The following FOCAD variants were observed in gnomAD, a reference collection of about 807,000 sequenced individuals.
FOCAD encodes the protein focadhesin.
FOCAD carries 198 observed loss-of-function variants against 225.6 expected under a neutral mutation model. The ratio of observed to expected loss-of-function variants is 0.88; its 90% CI spans 0.78 to 0.99. FOCAD has a LOEUF of 0.99. Among genes scored for constraint, FOCAD ranks in the 50% least tolerant of loss-of-function variants. The pLI is 0.00. For synonymous variants in FOCAD, 897 were observed against 755.0 expected, an observed-to-expected ratio of 1.19 and a Z score of -3.08; for missense variants, 2,713 against 2,123.6, an observed-to-expected ratio of 1.28 and a Z score of -5.46.
intron 11 of FOCAD, among the ~76,000 whole-genome samples, chr9:20,816,812 G>C (rs537121908): frequency 1.3e-5 from 2 of 151,868 alleles, no homozygotes; most frequent in Non-Finnish European, 2.9e-5. Context: ...TAAGAATTTA[G>C]CAATAAAGAT....
In FOCAD at chr9:20,781,753, G is replaced by T. The variant is rs1185375573; in HGVS notation, c.1021G>T (p.Asp341Tyr). 3 of 1,613,698 alleles carry T rather than the reference G, an allele frequency of 1.9e-6. No homozygotes were observed. The highest frequency in any genetic ancestry group is 2.5e-6 in the Non-Finnish European group (3 of 1,179,960). The change falls in exon 10 of 44, where the codon GAT becomes TAT. Residue 341 changes from aspartate (D) to tyrosine (Y), a missense_variant. Transcript: ENST00000338382. Reference sequence around the variant, plus strand: ...TTTGAAGCTCCTCTCTGTTACTGAGGATCAGAAAATCCCAAAGTCCTCTCT... The same window carrying T: ...TTTGAAGCTCCTCTCTGTTACTGAGTATCAGAAAATCCCAAAGTCCTCTCT... ...LALKLLSVTE[D>Y]QKIPKSSLLL...
At chr9:20,762,864 C>T (rs2183931) in intron 6 of FOCAD, among the ~76,000 whole-genome samples, 99,696 of 151,962 alleles carry the variant, frequency 0.66, 32,953 homozygotes, top group African/African-American at 0.73. Context: ...GTTGTTCCCA[C>T]CTTCATGTCT....
chr9:20,672,461 T>G (rs771986760), intron 2 of FOCAD, among the ~76,000 whole-genome samples: 16 of 152,184 alleles, frequency 1.1e-4, no homozygotes, highest in Non-Finnish European at 1.6e-4. Flanking sequence ...ATTATTATTA[T>G]TATTTTTGAG....
At chr9:20,848,200 A>G (rs570000295) in intron 15 of FOCAD, among the ~76,000 whole-genome samples, 1 of 152,200 alleles carries the variant, frequency 6.6e-6, no homozygotes, top group South Asian at 2.1e-4. Context: ...TCAAGAAAGT[A>G]TGGGCGGCCA....
chr9:20,778,266 A>C (rs979084916), intron 8 of FOCAD, among the ~76,000 whole-genome samples: 3 of 151,324 alleles, frequency 2.0e-5, no homozygotes, highest in African/African-American at 7.3e-5. Flanking sequence ...TTTTTTTGAG[A>C]TGGAATCTCG....
intron 35 of FOCAD, among the ~76,000 whole-genome samples, chr9:20,953,695 G>C (rs1049143737): frequency 5.3e-5 from 8 of 152,156 alleles, no homozygotes; most frequent in Non-Finnish European, 7.4e-5. Flanking sequence ...AGTTTTCAGG[G>C]CTGTGAGGAA....
rs188462857 is a variant in FOCAD at position 20,882,206 on chromosome 9, A to T, written c.2503+150A>T. The T allele has an allele frequency of 3.0e-4, 205 of 676,592 alleles. 4 individuals are homozygous for T. In the South Asian group the frequency reaches 4.0e-3, roughly 13 times the overall value. 41.9% of individuals were successfully genotyped at this position (676,592 alleles called of 1,614,324 possible). On this transcript the variant is annotated intron_variant, in intron 20 of 43. Coordinates refer to ENST00000338382, the MANE Select transcript of FOCAD (RefSeq NM_001375567.1). ...TAAAAATCATCGCACTTTAAAAGACATCGCAGAACTGTAGAAGCAAAGACA... is the reference window on the plus strand; with the variant it reads ...TAAAAATCATCGCACTTTAAAAGACTTCGCAGAACTGTAGAAGCAAAGACA...
chr9:20,878,497 A>G (rs1429785623), intron 19 of FOCAD, among the ~76,000 whole-genome samples: 1 of 152,234 alleles, frequency 6.6e-6, no homozygotes, highest in Non-Finnish European at 1.5e-5. Context: ...TTCACCATTA[A>G]GTAGCCTTGT....
intron 10 of FOCAD, among the ~76,000 whole-genome samples, chr9:20,786,766 A>T (rs1352598295): frequency 6.6e-6 from 1 of 152,220 alleles, no homozygotes; most frequent in Non-Finnish European, 1.5e-5. Flanking sequence ...TTTTTAAAAT[A>T]AAGATTCTCA....
chr9:20,957,011 T>C (rs1487566286), intron 35 of FOCAD, among the ~76,000 whole-genome samples: 1 of 152,138 alleles, frequency 6.6e-6, no homozygotes, highest in African/African-American at 2.4e-5. Flanking sequence ...TTGAACTTAA[T>C]ATTATATTAT....
intron 19 of FOCAD, among the ~76,000 whole-genome samples, chr9:20,879,771 C>T (rs776102333): frequency 2.0e-5 from 3 of 152,176 alleles, no homozygotes; most frequent in Non-Finnish European, 4.4e-5. Flanking sequence ...CTACACTTAG[C>T]CTCCTGGCAT....
At position 20,764,968 on chromosome 9, in the gene FOCAD, G is replaced by A. The variant is rs1457682002; in HGVS notation, c.594G>A (p.Leu198=). The A allele has an allele frequency of 1.2e-6, 2 of 1,614,060 alleles. No individual in the cohort carries two copies. The highest frequency in any genetic ancestry group is 1.7e-6 in the Non-Finnish European group (2 of 1,179,978). The change falls in exon 7 of 44, where the codon CTG becomes CTA. Residue 198 remains leucine (L), a synonymous_variant. Transcript: ENST00000338382. ...LQEYAKLRLA[L]LKVLLQPQVL... ...AATATGCTAAACTCCGACTAGCCCT[G>A]CTGAAAGTCTTACTTCAACCCCAGG... is the stretch of plus-strand genomic sequence containing the variant.
chr9:20,878,669 A>T lies in FOCAD; in HGVS notation c.2318-3202A>T, dbSNP rs146261350. 3.9e-3 allele frequency among the ~76,000 whole-genome samples: 601 copies of T among 152,316 alleles called. 5 individuals are homozygous for T. Among genetic ancestry groups the T allele is most frequent in the African/African-American group, 0.014 (578 of 41,572 alleles). On this transcript the variant is annotated intron_variant, in intron 19 of 43. Transcript: ENST00000338382. ...GAAAGACAGAATCAATAGGACATGT[A>T]TATAGATATATGAGGGGACCGATTA...
chr9:20,782,227 A>G (rs1251729329), intron 10 of FOCAD, among the ~76,000 whole-genome samples: 1 of 152,210 alleles, frequency 6.6e-6, no homozygotes, highest in East Asian at 1.9e-4. Context: ...TCTCAAATAT[A>G]TTTGAACATG....
chr9:20,899,920 T>A (rs1047815522), intron 21 of FOCAD, among the ~76,000 whole-genome samples: 1 of 151,896 alleles, frequency 6.6e-6, no homozygotes, highest in African/African-American at 2.4e-5. Flanking sequence ...TTGTTTGGAC[T>A]TCTCCAAAAC....
intron 21 of FOCAD, among the ~76,000 whole-genome samples, chr9:20,893,124 C>G (rs1156293299): frequency 6.6e-6 from 1 of 152,082 alleles, no homozygotes; most frequent in African/African-American, 2.4e-5. Context: ...CTCCTGGGCC[C>G]AAGGGATCCT....
chr9:20,894,724 T>C (rs778552041), intron 21 of FOCAD, among the ~76,000 whole-genome samples: 1 of 152,146 alleles, frequency 6.6e-6, no homozygotes. Context: ...ATATTTTGGA[T>C]AATAGTCCTT....
intron 15 of FOCAD, among the ~76,000 whole-genome samples, chr9:20,847,820 C>T (rs527302781): frequency 1.3e-5 from 2 of 151,922 alleles, no homozygotes; most frequent in South Asian, 4.1e-4. Flanking sequence ...TGCCAAATGT[C>T]TTTAAAAGAG....
chr9:20,873,859 C>T (rs1305374353), intron 18 of FOCAD: 1 of 152,096 alleles, frequency 6.6e-6, no homozygotes, highest in Non-Finnish European at 1.5e-5. Flanking sequence ...TGACTGGATT[C>T]TGGCACTTTA....
Sources: gnomAD v4.1 joint callset for allele counts (sites outside exome capture counted in the v4.1 genomes callset) on GRCh38, gnomAD v4.1.1 for gene constraint, MANE v1.5 for transcripts, NCBI Gene and HGNC (gene_info 2026-07-23, HGNC 2026-07-21) for gene names.